ADAMTSL1: variants seen among roughly 807,000 people sequenced by gnomAD.
ADAMTSL1 encodes ADAMTS like 1.
A neutral mutation model predicts 201.8 loss-of-function variants in ADAMTSL1; 126 were observed. The observed-to-expected ratio is 0.62, with a 90% CI of 0.54 to 0.72. The LOEUF (loss-of-function observed/expected upper bound fraction) is 0.72. ADAMTSL1 is among the 30% of genes least tolerant of loss of function. The pLI, the probability that ADAMTSL1 is intolerant of heterozygous loss-of-function variation, is 0.00. For missense variants in ADAMTSL1, 2,679 were observed against 2,277.8 expected (o/e 1.18, Z -3.59); for synonymous variants, 1,121 against 903.4 (o/e 1.24, Z -4.32).
intron 2 of ADAMTSL1, among the ~76,000 whole-genome samples, chr9:18,173,006 T>C (rs1827972451): frequency 6.6e-6 from 1 of 152,122 alleles, no homozygotes; most frequent in Non-Finnish European, 1.5e-5. Context: ...ATAATTGGGT[T>C]GGGATGCTAT....
At chr9:18,858,316 C>T (rs117947589) in intron 23 of ADAMTSL1, among the ~76,000 whole-genome samples, 1 of 152,118 alleles carries the variant, frequency 6.6e-6, no homozygotes, top group Non-Finnish European at 1.5e-5. Flanking sequence ...AGATGCTGTC[C>T]TCGCCTCACT....
At chr9:18,249,978 T>G (rs567107377) in intron 2 of ADAMTSL1, among the ~76,000 whole-genome samples, 1 of 152,358 alleles carries the variant, frequency 6.6e-6, no homozygotes, top group Admixed American at 6.5e-5. Context: ...ATATACTTAT[T>G]ACAAATAAAA....
At chr9:18,885,757 G>GA (rs1186672468) in intron 23 of ADAMTSL1, among the ~76,000 whole-genome samples, 1 of 152,040 alleles carries the variant, frequency 6.6e-6, no homozygotes, top group Non-Finnish European at 1.5e-5. Flanking sequence ...AAATGAAGGG[G>GA]AAAAAAATAA....
intron 2 of ADAMTSL1, among the ~76,000 whole-genome samples, chr9:18,300,771 C>G (rs569674588): frequency 6.6e-6 from 1 of 152,034 alleles, no homozygotes; most frequent in Non-Finnish European, 1.5e-5. Flanking sequence ...AAAGGGAAGT[C>G]CCATGATGAC....
At chr9:18,244,902 C>G (rs144016552) in intron 2 of ADAMTSL1, among the ~76,000 whole-genome samples, 24 of 152,292 alleles carry the variant, frequency 1.6e-4, no homozygotes, top group South Asian at 6.2e-4. Context: ...CATGCTTCCT[C>G]GTAGTCGCTG....
chr9:18,795,341 G>T, intron 19 of ADAMTSL1, 56 bp from the exon 20 acceptor site: 1 of 1,604,728 alleles, frequency 6.2e-7, no homozygotes, highest in Non-Finnish European at 8.5e-7. Flanking sequence ...AATATTGAAT[G>T]CCAAAAAGGA....
At chr9:18,681,373 A>G (rs1830459888) in intron 11 of ADAMTSL1, 2 of 152,546 alleles carry the variant, frequency 1.3e-5, no homozygotes, top group East Asian at 3.9e-4. Context: ...TTTAGCTATA[A>G]TCGTAGTTTA....
At chr9:18,670,143 A>T (rs1488571432) in intron 9 of ADAMTSL1, among the ~76,000 whole-genome samples, 2 of 152,132 alleles carry the variant, frequency 1.3e-5, no homozygotes, top group Non-Finnish European at 2.9e-5. Context: ...TACTACACAC[A>T]ATTTTGTTCA....
chr9:18,687,153 A>G (rs550762408), intron 13 of ADAMTSL1, among the ~76,000 whole-genome samples: 6 of 152,340 alleles, frequency 3.9e-5, no homozygotes, highest in African/African-American at 1.2e-4. Context: ...GAATAATGTA[A>G]TGAAAGGTAT....
At chr9:18,775,530 T>C (rs990666521) in intron 17 of ADAMTSL1, among the ~76,000 whole-genome samples, 1 of 152,166 alleles carries the variant, frequency 6.6e-6, no homozygotes, top group Admixed American at 6.5e-5. Context: ...TAAAAGGTCT[T>C]CAGGAAACCT....
chr9:17,910,780 T>A (rs1260717716), intron 1 of ADAMTSL1, among the ~76,000 whole-genome samples: 2 of 69,250 alleles, frequency 2.9e-5, no homozygotes, highest in African/African-American at 5.8e-5. Flanking sequence ...TTTAATCATA[T>A]AGGCATTATA....
chr9:18,648,525 C>A (rs1321106634), intron 7 of ADAMTSL1, among the ~76,000 whole-genome samples: 1 of 151,768 alleles, frequency 6.6e-6, no homozygotes, highest in Non-Finnish European at 1.5e-5. Flanking sequence ...GCGGCTGGTA[C>A]CGGTTGTTCC....
At chr9:18,520,076 C>T (rs549907905) in intron 2 of ADAMTSL1, among the ~76,000 whole-genome samples, 2 of 152,290 alleles carry the variant, frequency 1.3e-5, no homozygotes, top group Admixed American at 6.5e-5. Flanking sequence ...ACATACCAAA[C>T]AGTCATAATA....
intron 2 of ADAMTSL1, among the ~76,000 whole-genome samples, chr9:18,393,365 G>T (rs1393441482): frequency 6.6e-6 from 1 of 152,130 alleles, no homozygotes; most frequent in Non-Finnish European, 1.5e-5. Flanking sequence ...GGACCTGGTA[G>T]GGATTAAAGG....
intron 2 of ADAMTSL1, among the ~76,000 whole-genome samples, chr9:18,285,114 G>T (rs1563858072): frequency 6.6e-6 from 1 of 152,082 alleles, no homozygotes; most frequent in East Asian, 1.9e-4. Context: ...TAAGGTGTTT[G>T]TTGGGTCTAG....
At chr9:18,436,084 G>T (rs553986535) in intron 2 of ADAMTSL1, among the ~76,000 whole-genome samples, 2 of 152,322 alleles carry the variant, frequency 1.3e-5, no homozygotes, top group South Asian at 4.1e-4. Flanking sequence ...GCAAGAACCA[G>T]ATTTAACAGT....
chr9:18,254,649 C>T (rs1319270817), intron 2 of ADAMTSL1, among the ~76,000 whole-genome samples: 2 of 147,354 alleles, frequency 1.4e-5, no homozygotes, highest in African/African-American at 2.6e-5. Flanking sequence ...AGGCGTGAGC[C>T]ACCGCGCCTG....
chr9:18,485,509 C>T (rs1179649186), intron 1 of ADAMTSL1, among the ~76,000 whole-genome samples: 15 of 152,242 alleles, frequency 9.9e-5, no homozygotes, highest in Middle Eastern at 6.8e-3. Context: ...CGAGGCAGAG[C>T]AGAGGATATG....
chr9:18,555,685 G>T (rs1206324247), intron 3 of ADAMTSL1, among the ~76,000 whole-genome samples: 1 of 151,982 alleles, frequency 6.6e-6, no homozygotes, highest in Non-Finnish European at 1.5e-5. Context: ...GGAGTTGTCA[G>T]AGAAGGAGAC....
Sources: allele counts gnomAD v4.1 joint callset (sites outside exome capture counted in the v4.1 genomes callset), GRCh38; gene constraint gnomAD v4.1.1; transcripts MANE v1.5; gene names NCBI Gene and HGNC (gene_info 2026-07-23, HGNC 2026-07-21).